B3GALNT2: variants seen among roughly 807,000 people sequenced by gnomAD.
The protein encoded by B3GALNT2 is UDP-GalNAc:beta-1,3-N-acetylgalactosaminyltransferase 2.
A neutral mutation model predicts 61.1 loss-of-function variants in B3GALNT2; 53 were observed. That is an observed-to-expected ratio of 0.87 (90% CI 0.70 to 1.09). The LOEUF is 1.09. Ranked by LOEUF, B3GALNT2 falls within the 50% of genes least tolerant of loss-of-function variation. The pLI is 0.00. For missense variants in B3GALNT2, 544 were observed against 623.0 expected (o/e 0.87, Z 1.35); for synonymous variants, 223 against 237.4 (o/e 0.94, Z 0.56).
intron 7 of B3GALNT2, among the ~76,000 whole-genome samples, chr1:235,462,925 A>G (rs1386617163): frequency 6.6e-6 from 1 of 152,256 alleles, no homozygotes; most frequent in Non-Finnish European, 1.5e-5. Context: ...AGATACTTGC[A>G]CATGCATGTT....
chr1:235,476,018 T>C (rs1684260847), intron 5 of B3GALNT2, among the ~76,000 whole-genome samples: 3 of 152,086 alleles, frequency 2.0e-5, no homozygotes, highest in South Asian at 2.1e-4. Flanking sequence ...AAAAATATTA[T>C]ACAAAATTAA....
intron 6 of B3GALNT2, among the ~76,000 whole-genome samples, chr1:235,467,455 T>C (rs946540011): frequency 1.3e-5 from 2 of 151,732 alleles, no homozygotes; most frequent in Non-Finnish European, 2.9e-5. Flanking sequence ...AAAGACTGTA[T>C]ATGCTTTATT....
chr1:235,480,534 G>C (rs1684510364), intron 4 of B3GALNT2, among the ~76,000 whole-genome samples: 1 of 151,994 alleles, frequency 6.6e-6, no homozygotes, highest in Admixed American at 6.6e-5. Context: ...TTTTTACTGG[G>C]AACAAAAGCA....
intron 2 of B3GALNT2, among the ~76,000 whole-genome samples, chr1:235,491,810 T>C (rs1180759153): frequency 1.3e-5 from 2 of 152,016 alleles, no homozygotes; most frequent in Admixed American, 6.6e-5. Flanking sequence ...AGTCATATGC[T>C]TCCCCCCTCT....
chr1:235,471,565 T>A (rs1270475703), intron 5 of B3GALNT2, among the ~76,000 whole-genome samples: 1 of 152,228 alleles, frequency 6.6e-6, no homozygotes, highest in Non-Finnish European at 1.5e-5. Context: ...TGTATGAGAA[T>A]GACAACTGCA....
At chr1:235,442,888 A>G, downstream of B3GALNT2, 2 of 1,614,062 alleles carry the variant, frequency 1.2e-6, no homozygotes, top group Non-Finnish European at 1.7e-6. Context: ...CTTGATCAGA[A>G]AGTCCTGGAG....
At chr1:235,499,696 A>G (rs1038248812) in intron 1 of B3GALNT2, among the ~76,000 whole-genome samples, 1 of 152,236 alleles carries the variant, frequency 6.6e-6, no homozygotes, top group Admixed American at 6.5e-5. Flanking sequence ...TAGGTTTAAC[A>G]AAGTATAGAT....
At chr1:235,472,549 A>G (rs1684051255) in intron 5 of B3GALNT2, among the ~76,000 whole-genome samples, 1 of 152,174 alleles carries the variant, frequency 6.6e-6, no homozygotes, top group African/African-American at 2.4e-5. Flanking sequence ...TATTAAACTA[A>G]CTGCCTCTAC....
chr1:235,497,935 C>T (rs187402735), intron 1 of B3GALNT2, among the ~76,000 whole-genome samples: 316 of 152,312 alleles, frequency 2.1e-3, no homozygotes, highest in African/African-American at 7.4e-3. Context: ...CACTCTCAAT[C>T]CCCCCTGCTT....
intron 4 of B3GALNT2, among the ~76,000 whole-genome samples, chr1:235,483,194 G>C (rs898985278): frequency 7.9e-5 from 12 of 152,100 alleles, no homozygotes; most frequent in African/African-American, 2.7e-4. Flanking sequence ...CTTGAATACA[G>C]ATGAACAGAA....
chr1:235,465,458 T>G, intron 7 of B3GALNT2, 178 bp downstream of exon 7: 8 of 970,320 alleles, frequency 8.2e-6, no homozygotes, highest in Non-Finnish European at 1.1e-5. Flanking sequence ...TTTTGGGAGG[T>G]GGAGCCGGTT....
intron 6 of B3GALNT2, among the ~76,000 whole-genome samples, chr1:235,466,280 G>C (rs1359661355): frequency 6.7e-6 from 1 of 148,732 alleles, no homozygotes; most frequent in Non-Finnish European, 1.5e-5. Flanking sequence ...TATTGGTCAG[G>C]CTGGTCTCGA....
intron 1 of B3GALNT2, among the ~76,000 whole-genome samples, chr1:235,499,578 T>C (rs1685494974): frequency 6.6e-6 from 1 of 152,210 alleles, no homozygotes; most frequent in Admixed American, 6.5e-5. Context: ...GGGAAAGTTT[T>C]CCCTCTGAAG....
chr1:235,446,349 G>A (rs576262899), downstream of B3GALNT2, among the ~76,000 whole-genome samples: 1 of 151,952 alleles, frequency 6.6e-6, no homozygotes, highest in Non-Finnish European at 1.5e-5. Flanking sequence ...GCTAATTTTT[G>A]TATTTTTAGT....
downstream of B3GALNT2, among the ~76,000 whole-genome samples, chr1:235,443,986 G>T (rs1682072457): frequency 6.6e-6 from 1 of 152,132 alleles, no homozygotes; most frequent in Admixed American, 6.6e-5. Context: ...ATAGCTAAAT[G>T]CTAAAATATA....
At chr1:235,492,242 T>C (rs1163818634) in intron 2 of B3GALNT2, among the ~76,000 whole-genome samples, 1 of 152,192 alleles carries the variant, frequency 6.6e-6, no homozygotes, top group Non-Finnish European at 1.5e-5. Context: ...GGAATAAAAG[T>C]ATAAACAGAA....
At chr1:235,501,891 T>C (rs1018862174) in intron 1 of B3GALNT2, among the ~76,000 whole-genome samples, 1 of 152,132 alleles carries the variant, frequency 6.6e-6, no homozygotes, top group Non-Finnish European at 1.5e-5. Context: ...AGTTTCAACA[T>C]GGTGACAGCA....
intron 3 of B3GALNT2, among the ~76,000 whole-genome samples, chr1:235,484,974 A>G (rs1684734047): frequency 6.6e-6 from 1 of 152,258 alleles, no homozygotes; most frequent in Non-Finnish European, 1.5e-5. Context: ...GTGATACATC[A>G]GGCAATTATT....
intron 9 of B3GALNT2, 44 bp downstream of exon 9, chr1:235,455,515 G>T: frequency 6.3e-7 from 1 of 1,575,078 alleles, no homozygotes; most frequent in South Asian, 1.1e-5. Flanking sequence ...AATTACATTT[G>T]ATCAGGTACA....
Sources: gnomAD v4.1 joint callset for allele counts (sites outside exome capture counted in the v4.1 genomes callset) on GRCh38, gnomAD v4.1.1 for gene constraint, MANE v1.5 for transcripts, NCBI Gene and HGNC (gene_info 2026-07-23, HGNC 2026-07-21) for gene names.